The following PALM2AKAP2 variants were observed in gnomAD, a reference collection of about 807,000 sequenced individuals.
The protein encoded by PALM2AKAP2 is PALM2-AKAP2 fusion protein.
A neutral mutation model predicts 71.5 loss-of-function variants in PALM2AKAP2; 37 were observed. The ratio of observed to expected loss-of-function variants is 0.52; its 90% CI spans 0.40 to 0.68. The LOEUF is 0.68. Ranked by LOEUF, PALM2AKAP2 falls within the 30% of genes least tolerant of loss-of-function variation. The probability of loss-of-function intolerance (pLI) is 0.00; values close to 1 mark genes in which losing one functional copy is unlikely to be tolerated. For missense variants in PALM2AKAP2, 1,224 were observed against 1,191.8 expected, an observed-to-expected ratio of 1.03 and a Z score of -0.40; for synonymous variants, 468 against 478.8, an observed-to-expected ratio of 0.98 and a Z score of 0.29.
intron 1 of PALM2AKAP2, among the ~76,000 whole-genome samples, chr9:110,107,366 G>A (rs1325166054): frequency 2.0e-5 from 3 of 152,082 alleles, no homozygotes; most frequent in Admixed American, 6.5e-5. Flanking sequence ...ATATGTACAA[G>A]TAATATATAA....
intron 6 of PALM2AKAP2, among the ~76,000 whole-genome samples, chr9:109,990,314 C>G (rs1163244562): frequency 2.0e-5 from 3 of 152,162 alleles, no homozygotes; most frequent in Non-Finnish European, 4.4e-5. Context: ...CCTGTCTCAG[C>G]CTCCCAAAGC....
intron 1 of PALM2AKAP2, among the ~76,000 whole-genome samples, chr9:109,758,783 G>T (rs1233779115): frequency 6.6e-6 from 1 of 151,974 alleles, no homozygotes; most frequent in Non-Finnish European, 1.5e-5. Context: ...GTAAAAGGGT[G>T]GGGATCAGAT....
At chr9:109,691,184 C>A (rs1827878115) in intron 1 of PALM2AKAP2, among the ~76,000 whole-genome samples, 1 of 151,608 alleles carries the variant, frequency 6.6e-6, no homozygotes, top group East Asian at 1.9e-4. Flanking sequence ...TACACACACA[C>A]ACACACACAC....
At chr9:109,861,811 G>A (rs1358903907) in intron 1 of PALM2AKAP2, among the ~76,000 whole-genome samples, 1 of 152,146 alleles carries the variant, frequency 6.6e-6, no homozygotes, top group Non-Finnish European at 1.5e-5. Flanking sequence ...GGACACTTCT[G>A]GTTTTATGGA....
intron 1 of PALM2AKAP2, among the ~76,000 whole-genome samples, chr9:110,065,857 T>A (rs994219042): frequency 6.6e-6 from 1 of 152,228 alleles, no homozygotes; most frequent in East Asian, 1.9e-4. Flanking sequence ...CCTCAATGTT[T>A]ATCCATGTTA....
At chr9:109,912,891 A>C (rs1830604083) in intron 3 of PALM2AKAP2, among the ~76,000 whole-genome samples, 2 of 152,226 alleles carry the variant, frequency 1.3e-5, no homozygotes, top group Admixed American at 6.5e-5. Context: ...ACCCCCGATT[A>C]GTTTTTATTC....
chr9:109,693,496 G>T (rs1377013837), intron 1 of PALM2AKAP2, among the ~76,000 whole-genome samples: 1 of 151,442 alleles, frequency 6.6e-6, no homozygotes, highest in African/African-American at 2.4e-5. Context: ...ACTTACATTA[G>T]ATTTAACTTA....
At chr9:109,684,142 G>A (rs1827776321) in intron 1 of PALM2AKAP2, among the ~76,000 whole-genome samples, 1 of 152,092 alleles carries the variant, frequency 6.6e-6, no homozygotes, top group African/African-American at 2.4e-5. Context: ...TGTTGCTTGT[G>A]GTGTGGCAAA....
intron 1 of PALM2AKAP2, among the ~76,000 whole-genome samples, chr9:109,722,901 A>G (rs1828426273): frequency 6.6e-6 from 1 of 152,176 alleles, no homozygotes. Context: ...TCCCTTGCAC[A>G]AGCCGTCTGC....
At chr9:110,017,767 C>T (rs1431946633) in intron 7 of PALM2AKAP2, among the ~76,000 whole-genome samples, 2 of 149,778 alleles carry the variant, frequency 1.3e-5, no homozygotes, top group Non-Finnish European at 3.0e-5. Context: ...CTTGCTGTGT[C>T]GCCAGGCTGG....
intron 1 of PALM2AKAP2, among the ~76,000 whole-genome samples, chr9:109,824,934 T>A (rs1209030606): frequency 6.6e-6 from 1 of 152,168 alleles, no homozygotes; most frequent in Non-Finnish European, 1.5e-5. Flanking sequence ...CCTCTAAGAG[T>A]TACCAGCCTG....
intron 3 of PALM2AKAP2, among the ~76,000 whole-genome samples, chr9:109,920,001 A>G (rs976723565): frequency 6.6e-6 from 1 of 152,182 alleles, no homozygotes; most frequent in Non-Finnish European, 1.5e-5. Context: ...CCATAGGGCC[A>G]GGGCACACTG....
At chr9:109,868,515 G>T (rs1382301508) in intron 2 of PALM2AKAP2, among the ~76,000 whole-genome samples, 2 of 152,174 alleles carry the variant, frequency 1.3e-5, no homozygotes, top group Admixed American at 6.5e-5. Flanking sequence ...CTTTCGGGGT[G>T]ATGCTCGGTA....
chr9:109,780,563 TC>T, intron 1 of PALM2AKAP2, 30 bp downstream of exon 1: 1 of 1,613,270 alleles, frequency 6.2e-7, no homozygotes, highest in Non-Finnish European at 8.5e-7. Context: ...ATTTTCTTGC[TC>T]TATTGTCTGG....
chr9:109,845,845 C>T (rs1028338037), intron 1 of PALM2AKAP2, among the ~76,000 whole-genome samples: 1 of 152,124 alleles, frequency 6.6e-6, no homozygotes, highest in African/African-American at 2.4e-5. Context: ...GCTACCACAC[C>T]CAGCCATCAT....
At chr9:109,950,449 T>C (rs1831610186) in intron 6 of PALM2AKAP2, among the ~76,000 whole-genome samples, 1 of 152,206 alleles carries the variant, frequency 6.6e-6, no homozygotes, top group African/African-American at 2.4e-5. Context: ...CCCAAGTTTC[T>C]GTCAAATTCC....
chr9:110,122,163 T>A (rs1295549017), intron 1 of PALM2AKAP2, among the ~76,000 whole-genome samples: 1 of 152,156 alleles, frequency 6.6e-6, no homozygotes, highest in Non-Finnish European at 1.5e-5. Context: ...CCCAAGTAGC[T>A]GTACTATAGG....
chr9:109,896,219 G>C (rs1830198358), intron 3 of PALM2AKAP2, among the ~76,000 whole-genome samples: 1 of 151,678 alleles, frequency 6.6e-6, no homozygotes, highest in Non-Finnish European at 1.5e-5. Flanking sequence ...GAAACCATTA[G>C]ATCTCATGAG....
chr9:109,917,121 G>A (rs887415097), intron 3 of PALM2AKAP2, among the ~76,000 whole-genome samples: 6 of 152,326 alleles, frequency 3.9e-5, no homozygotes, highest in Admixed American at 3.9e-4. Flanking sequence ...AGAAGGAGGG[G>A]TGGCTGCAGG....
Sources: allele counts gnomAD v4.1 joint callset (sites outside exome capture counted in the v4.1 genomes callset), GRCh38; gene constraint gnomAD v4.1.1; transcripts MANE v1.5; gene names NCBI Gene and HGNC (gene_info 2026-07-23, HGNC 2026-07-21).